Variants in NEGR1 observed in about 807,000 individuals in gnomAD.
NEGR1 encodes neuronal growth regulator 1.
A neutral mutation model predicts 40.9 loss-of-function variants in NEGR1; 10 were observed. The ratio of observed to expected loss-of-function variants is 0.24; its 90% CI spans 0.15 to 0.42. The LOEUF is 0.42. Ranked by LOEUF, NEGR1 falls within the 10% of genes least tolerant of loss-of-function variation. NEGR1 has a pLI of 1.00. For synonymous variants in NEGR1, 185 were observed against 166.8 expected (o/e 1.11, Z -0.84); for missense variants, 352 against 438.9 (o/e 0.80, Z 1.77).
chr1:71,942,268 A>T (rs1645966119), intron 1 of NEGR1, among the ~76,000 whole-genome samples: 1 of 150,108 alleles, frequency 6.7e-6, no homozygotes, highest in Non-Finnish European at 1.5e-5. Context: ...ATCTTAAAAC[A>T]TTTTTACATT....
At chr1:71,686,338 T>C (rs1449625988) in intron 4 of NEGR1, among the ~76,000 whole-genome samples, 1 of 152,040 alleles carries the variant, frequency 6.6e-6, no homozygotes, top group Admixed American at 6.6e-5. Context: ...AAGCCCATAA[T>C]AATTTAGTTC....
At chr1:71,694,006 T>C (rs1653386527) in intron 4 of NEGR1, among the ~76,000 whole-genome samples, 1 of 151,768 alleles carries the variant, frequency 6.6e-6, no homozygotes, top group Non-Finnish European at 1.5e-5. Context: ...TCTTCCCTTT[T>C]CTAACCAGAT....
intron 1 of NEGR1, among the ~76,000 whole-genome samples, chr1:72,025,182 G>C (rs1308862207): frequency 6.6e-6 from 1 of 151,958 alleles, no homozygotes; most frequent in Non-Finnish European, 1.5e-5. Context: ...ATAGTATAAC[G>C]TTTACATTGA....
chr1:72,275,252 G>C (rs1359466432), intron 1 of NEGR1: 1 of 558,274 alleles, frequency 1.8e-6, no homozygotes, highest in Non-Finnish European at 3.2e-6. Flanking sequence ...GATCTTAAAA[G>C]TTATACCACA....
intron 1 of NEGR1, among the ~76,000 whole-genome samples, chr1:72,046,921 G>A (rs1357750467): frequency 6.6e-6 from 1 of 151,580 alleles, no homozygotes; most frequent in Non-Finnish European, 1.5e-5. Context: ...CTATTTCACA[G>A]GCTGTTGGGG....
At chr1:72,110,738 T>A (rs1255519541) in intron 1 of NEGR1, among the ~76,000 whole-genome samples, 1 of 151,522 alleles carries the variant, frequency 6.6e-6, no homozygotes, top group Non-Finnish European at 1.5e-5. Flanking sequence ...ACTTGAAAAA[T>A]GTAAAGAATC....
chr1:71,801,313 T>A (rs182566447), intron 2 of NEGR1, among the ~76,000 whole-genome samples: 1 of 152,188 alleles, frequency 6.6e-6, no homozygotes, highest in South Asian at 2.1e-4. Flanking sequence ...ATTACTGCTT[T>A]AGTGAGTCCA....
chr1:71,504,652 C>T (rs549428427), intron 6 of NEGR1, among the ~76,000 whole-genome samples: 174 of 152,248 alleles, frequency 1.1e-3, no homozygotes, highest in Non-Finnish European at 2.1e-3. Flanking sequence ...GAAAACGTAA[C>T]GTTTTTGATT....
In NEGR1 at chr1:72,145,107, GA is replaced by G. The variant is rs1650856995; in HGVS notation, c.176+137211del. Reference sequence around the variant, plus strand: ...AATAATGAATCTGGAGTTTTATAAAGAGTGAGGTTTTAAAAAAATGTCTACC... The same window carrying G: ...AATAATGAATCTGGAGTTTTATAAAGGTGAGGTTTTAAAAAAATGTCTACC... On this transcript the variant is annotated intron_variant, in intron 1 of 6. Transcript: ENST00000357731. Among the ~76,000 whole-genome samples, 3 of 151,966 alleles carry G rather than the reference GA, an allele frequency of 2.0e-5. No individual in the cohort carries two copies. The South Asian group carries it at 6.2e-4, about 32-fold the overall frequency.
chr1:72,153,988 T>C (rs930271381), intron 1 of NEGR1, among the ~76,000 whole-genome samples: 3 of 151,628 alleles, frequency 2.0e-5, no homozygotes, highest in Admixed American at 6.6e-5. Context: ...TGGGTAGTGA[T>C]TGAAGTATAT....
intron 2 of NEGR1, among the ~76,000 whole-genome samples, chr1:71,873,490 T>C (rs1009729344): frequency 4.6e-5 from 7 of 152,128 alleles, no homozygotes; most frequent in African/African-American, 1.4e-4. Context: ...GTATATAAAG[T>C]ATTCTTTCCT....
At chr1:72,263,687 G>A (rs1285119141) in intron 1 of NEGR1, among the ~76,000 whole-genome samples, 1 of 151,458 alleles carries the variant, frequency 6.6e-6, no homozygotes, top group African/African-American at 2.4e-5. Context: ...TACTTGAATA[G>A]TTGCTGTTCT....
intron 2 of NEGR1, among the ~76,000 whole-genome samples, chr1:71,859,856 T>C (rs1032479471): frequency 2.6e-5 from 4 of 152,056 alleles, no homozygotes; most frequent in Non-Finnish European, 5.9e-5. Context: ...TTTTTATTCA[T>C]CCATCTAAAT....
chr1:71,913,480 C>A (rs1244701471), intron 2 of NEGR1, among the ~76,000 whole-genome samples: 1 of 152,082 alleles, frequency 6.6e-6, no homozygotes, highest in Non-Finnish European at 1.5e-5. Context: ...AGAAAAGAAG[C>A]CTGCATAATG....
chr1:71,399,253 G>GA lies in NEGR1; in HGVS notation c.*8192dup, dbSNP rs551577657. 6.7e-6 allele frequency: 1 copy of GA among 149,916 alleles called. No homozygotes were observed. The highest frequency in any genetic ancestry group is 1.5e-5 in the Non-Finnish European group (1 of 67,558). 9.3% of individuals were successfully genotyped at this position (149,916 alleles called of 1,614,324 possible). A position where few individuals can be genotyped will look rare whatever the true frequency, so the allele number is the denominator to read the frequency against. ...TAAATTAGAAATATATATGTTTCCA[G>GA]AAAAAAATTGCTTATTCAAATGTAA... is the stretch of plus-strand genomic sequence containing the variant. On this transcript the variant is annotated 3_prime_UTR_variant, in exon 7 of 7. Coordinates refer to ENST00000357731, the MANE Select transcript of NEGR1 (RefSeq NM_173808.3).
chr1:71,932,888 C>A (rs1239182121), intron 2 of NEGR1, among the ~76,000 whole-genome samples: 1 of 152,056 alleles, frequency 6.6e-6, no homozygotes, highest in Non-Finnish European at 1.5e-5. Context: ...GTGGGGTTGA[C>A]TTTTTATGAC....
intron 1 of NEGR1, among the ~76,000 whole-genome samples, chr1:71,993,945 A>G (rs550068715): frequency 5.5e-4 from 84 of 152,212 alleles, no homozygotes; most frequent in African/African-American, 2.0e-3. Context: ...GGCCCCAGGA[A>G]TAACTGTTAT....
At position 71,465,908 on chromosome 1, in the gene NEGR1, T is replaced by C. The variant is rs17097564; in HGVS notation, c.941-58338A>G. Among the ~76,000 whole-genome samples, 1,282 of 152,110 alleles carry C rather than the reference T, an allele frequency of 8.4e-3. 12 individuals carry two copies. The highest frequency in any genetic ancestry group is 0.029 in the African/African-American group (1,198 of 41,518). ...AATAATAAGTCCTTGGATTAGAGTA[T>C]ATATATAAAGGATATTAGGAAAAAT... On this transcript the variant is annotated intron_variant, in intron 6 of 6. Coordinates refer to ENST00000357731, the MANE Select transcript of NEGR1 (RefSeq NM_173808.3).
intron 3 of NEGR1, among the ~76,000 whole-genome samples, chr1:71,754,254 C>T (rs1207348799): frequency 6.6e-6 from 1 of 152,126 alleles, no homozygotes; most frequent in Non-Finnish European, 1.5e-5. Context: ...CAGAGCGCCT[C>T]ACTGAAGACC....
Sources: allele counts gnomAD v4.1 joint callset (sites outside exome capture counted in the v4.1 genomes callset), GRCh38; gene constraint gnomAD v4.1.1; transcripts MANE v1.5; gene names NCBI Gene and HGNC (gene_info 2026-07-23, HGNC 2026-07-21).